ACACA: variants seen among roughly 807,000 people sequenced by gnomAD.
ACACA encodes the protein acetyl-CoA carboxylase 1.
A neutral mutation model predicts 296.1 loss-of-function variants in ACACA; 103 were observed. That is an observed-to-expected ratio of 0.35 (90% CI 0.30 to 0.41). ACACA has a LOEUF of 0.41. Among genes scored for constraint, ACACA ranks in the 10% least tolerant of loss-of-function variants. ACACA has a pLI of 1.00. For missense variants in ACACA, 1,554 were observed against 2,989.7 expected (o/e 0.52, Z 11.20); for synonymous variants, 953 against 1,038.6 (o/e 0.92, Z 1.58).
chr17:37,293,215 T>C (rs1168342104), intron 3 of ACACA, among the ~76,000 whole-genome samples: 1 of 152,246 alleles, frequency 6.6e-6, no homozygotes, highest in Admixed American at 6.5e-5. Context: ...CATTGTTTCA[T>C]AAATAACCTT....
At chr17:37,240,072 T>C (rs76376965) in intron 24 of ACACA, among the ~76,000 whole-genome samples, 102 of 152,356 alleles carry the variant, frequency 6.7e-4, no homozygotes, top group Non-Finnish European at 1.3e-3. Context: ...AACTTGCTCT[T>C]CCTAGATGCC....
intron 1 of ACACA, 102 bp from the exon 2 acceptor site, chr17:37,339,952 G>T: frequency 1.6e-6 from 1 of 633,790 alleles, no homozygotes; most frequent in Non-Finnish European, 2.8e-6. Context: ...AATATATGAA[G>T]TATCTATTTT....
intron 35 of ACACA, among the ~76,000 whole-genome samples, chr17:37,198,265 T>C (rs1482940613): frequency 3.3e-5 from 5 of 152,242 alleles, no homozygotes. Context: ...AGTGTATTTA[T>C]TATAGAAACC....
At chr17:37,122,393 G>A (rs2074568952) in intron 49 of ACACA, 138 bp downstream of exon 49, 1 of 785,434 alleles carries the variant, frequency 1.3e-6, no homozygotes. Flanking sequence ...GTGAGCACAT[G>A]ATGTTCTAAA....
chr17:37,250,740 G>A (rs762300801), intron 16 of ACACA, among the ~76,000 whole-genome samples: 6 of 151,788 alleles, frequency 4.0e-5, no homozygotes, highest in Non-Finnish European at 5.9e-5. Flanking sequence ...TAAAAAGGCC[G>A]GGCAGCCGGG....
At chr17:37,238,615 AAC>A (rs1164023859) in intron 24 of ACACA, among the ~76,000 whole-genome samples, 4 of 152,208 alleles carry the variant, frequency 2.6e-5, no homozygotes, top group African/African-American at 9.6e-5. Flanking sequence ...CAAATACACT[AAC>A]AGAATTTTTA....
At chr17:37,112,462 C>T (rs951783393) in intron 51 of ACACA, among the ~76,000 whole-genome samples, 2 of 152,184 alleles carry the variant, frequency 1.3e-5, no homozygotes, top group Admixed American at 1.3e-4. Context: ...AGTTATGAGA[C>T]TCGTCCAAAT....
At position 37,087,283 on chromosome 17, in the gene ACACA, A is replaced by G; in HGVS notation, c.*33T>C. ...AAAGGCAGCTCTAGCCCTTTTCTCC[A>G]GAGACAGGGCAGGGACAGGCAGGAA... On this transcript the variant is annotated 3_prime_UTR_variant, in exon 56 of 56. Coordinates refer to ENST00000616317, the MANE Select transcript of ACACA (RefSeq NM_198834.3). The G allele has an allele frequency of 3.1e-6, 5 of 1,613,772 alleles. No individual in the cohort carries two copies. The highest frequency in any genetic ancestry group is 3.4e-6 in the Non-Finnish European group (4 of 1,179,956).
chr17:37,321,396 A>C (rs2047347821), intron 3 of ACACA, among the ~76,000 whole-genome samples: 1 of 152,126 alleles, frequency 6.6e-6, no homozygotes, highest in African/African-American at 2.4e-5. Flanking sequence ...AGGCCAAGGC[A>C]GGTGGATCAC....
At position 37,391,206 on chromosome 17, in the gene ACACA, G is replaced by C. The variant is rs571230331; in HGVS notation, c.38+15056C>G. 9.2e-5 allele frequency among the ~76,000 whole-genome samples: 14 copies of C among 152,218 alleles called. No homozygotes were observed. In the East Asian group the frequency reaches 2.7e-3, roughly 29 times the overall value. ...TGAGCTGAGATCACACCACTGCACT[G>C]CAGCCTCGGTGACAGAGCGAGACTC... On this transcript the variant is annotated intron_variant, in intron 1 of 55. Transcript: ENST00000616317.
chr17:37,240,336 A>G, intron 24 of ACACA, 140 bp downstream of exon 24: 1 of 715,092 alleles, frequency 1.4e-6, no homozygotes, highest in Non-Finnish European at 2.5e-6. Context: ...TTAAGGGAGT[A>G]GTGATAGGAG....
At chr17:37,095,182 C>A (rs527449943) in intron 54 of ACACA, among the ~76,000 whole-genome samples, 20 of 152,306 alleles carry the variant, frequency 1.3e-4, no homozygotes, top group Non-Finnish European at 2.5e-4. Flanking sequence ...CCTCTCCTGG[C>A]CACACACATA....
At chr17:37,299,802 G>C in intron 3 of ACACA, 1 of 992,694 alleles carries the variant, frequency 1.0e-6, no homozygotes, top group Non-Finnish European at 1.2e-6. Context: ...AGGACAAAAA[G>C]ACCAAATTTA....
At position 37,406,290 on chromosome 17, in the gene ACACA, A is replaced by C. The variant is rs1445713297; in HGVS notation, c.10T>G (p.Ser4Ala). 1.2e-6 allele frequency: 2 copies of C among 1,614,040 alleles called. No individual in the cohort carries two copies. The highest frequency in any genetic ancestry group is 1.1e-5 in the South Asian group (1 of 91,082). The change falls in exon 1 of 56, where the codon TCT (serine) becomes GCT (alanine). Residue 4 changes from serine (S) to alanine (A), a missense_variant. By Grantham distance (99) the Ser-to-Ala change is moderately conservative. Transcript: ENST00000616317. ...GCCCTCAAGATTGACATCAGAGTAG[A>C]CCACCACATCCTCTCATCATTGCGC... MWW[S>A]TLMSILRARS...
chr17:37,168,545 G>A (rs181946937), intron 41 of ACACA, among the ~76,000 whole-genome samples: 2,483 of 151,640 alleles, frequency 0.016, 37 homozygotes, highest in Non-Finnish European at 0.024. Flanking sequence ...TTTAAGGGGG[G>A]AAAAAAATCT....
At chr17:37,132,910 A>G (rs7208613) in intron 45 of ACACA, among the ~76,000 whole-genome samples, 50,319 of 152,090 alleles carry the variant, frequency 0.33, 11,617 homozygotes, top group African/African-American at 0.65. Flanking sequence ...GGTAGGCTCA[A>G]TAACTGAGTA....
At chr17:37,247,084 T>TAC in intron 18 of ACACA, 108 bp from the exon 19 acceptor site, 1 of 1,196,138 alleles carries the variant, frequency 8.4e-7, no homozygotes, top group Non-Finnish European at 1.2e-6. Context: ...AACTTTATTA[T>TAC]ACACACACAC....
chr17:37,247,115 T>A, intron 18 of ACACA, 139 bp from the exon 19 acceptor site: 1 of 908,018 alleles, frequency 1.1e-6, no homozygotes, highest in Non-Finnish European at 1.8e-6. Context: ...ACTGCATATT[T>A]GTTTACAATG....
chr17:37,288,352 A>G (rs2082886582), intron 3 of ACACA, among the ~76,000 whole-genome samples: 1 of 152,196 alleles, frequency 6.6e-6, no homozygotes, highest in Non-Finnish European at 1.5e-5. Context: ...AGACTGAGCA[A>G]TAACATGAAT....
Sources: gnomAD v4.1 joint callset for allele counts (sites outside exome capture counted in the v4.1 genomes callset) on GRCh38, gnomAD v4.1.1 for gene constraint, MANE v1.5 for transcripts, NCBI Gene and HGNC (gene_info 2026-07-23, HGNC 2026-07-21) for gene names.